TRPM7: variants seen among roughly 807,000 people sequenced by gnomAD.
The protein encoded by TRPM7 is transient receptor potential cation channel subfamily M member 7.
In TRPM7, 134 loss-of-function variants were observed where a neutral mutation model predicts 229.7. The ratio of observed to expected loss-of-function variants is 0.58; its 90% CI spans 0.51 to 0.67. TRPM7 has a LOEUF of 0.67. Among genes scored for constraint, TRPM7 ranks in the 30% least tolerant of loss-of-function variants. The pLI is 0.00. For missense variants in TRPM7, 1,901 were observed against 2,210.0 expected (o/e 0.86, Z 2.80); for synonymous variants, 699 against 715.2 (o/e 0.98, Z 0.36).
intron 13 of TRPM7, among the ~76,000 whole-genome samples, chr15:50,617,272 G>A (rs1290114130): frequency 6.6e-6 from 1 of 151,626 alleles, no homozygotes; most frequent in East Asian, 1.9e-4. Flanking sequence ...GAGGCAGTGG[G>A]TGCAGTTAGC....
At chr15:50,615,854 C>T (rs779238420) in intron 13 of TRPM7, among the ~76,000 whole-genome samples, 2 of 152,094 alleles carry the variant, frequency 1.3e-5, no homozygotes, top group Admixed American at 6.5e-5. Context: ...CAAGTTCACA[C>T]CATTGCACTC....
intron 17 of TRPM7, among the ~76,000 whole-genome samples, chr15:50,610,309 A>C (rs1192163254): frequency 6.6e-6 from 1 of 152,102 alleles, no homozygotes; most frequent in Non-Finnish European, 1.5e-5. Context: ...AAGCCTTATA[A>C]AGGTGCTATG....
chr15:50,673,312 T>C (rs1265404718), intron 1 of TRPM7, among the ~76,000 whole-genome samples: 3 of 152,162 alleles, frequency 2.0e-5, no homozygotes, highest in Non-Finnish European at 4.4e-5. Context: ...CAGGTAGTGT[T>C]TAGTTACATA....
At chr15:50,645,106 T>C (rs1416540853) in intron 4 of TRPM7, among the ~76,000 whole-genome samples, 3 of 152,128 alleles carry the variant, frequency 2.0e-5, no homozygotes, top group African/African-American at 7.2e-5. Flanking sequence ...GGTTTCACCA[T>C]GTTGCCCAGG....
rs188500375 is a variant in TRPM7 at position 50,666,008 on chromosome 15, A to T, written c.4-2962T>A. On this transcript the variant is annotated intron_variant, in intron 1 of 38. Transcript: ENST00000646667. ...ACTCTCTCTCAAAAAATAATAATTT[A>T]AAAAAAAGGCTGAAAATTAATGAGC... Among the ~76,000 whole-genome samples the T allele has an allele frequency of 3.0e-3, 459 of 152,040 alleles. 3 individuals carry two copies. Among genetic ancestry groups the T allele is most frequent in the African/African-American group, 7.9e-3 (329 of 41,496 alleles).
intron 21 of TRPM7, among the ~76,000 whole-genome samples, chr15:50,600,006 T>A (rs911317847): frequency 2.0e-5 from 3 of 152,230 alleles, no homozygotes; most frequent in African/African-American, 7.2e-5. Context: ...AATTACAATG[T>A]ACATTTTGAC....
chr15:50,579,343 C>T (rs1225047117), intron 30 of TRPM7, among the ~76,000 whole-genome samples: 1 of 152,206 alleles, frequency 6.6e-6, no homozygotes, highest in African/African-American at 2.4e-5. Context: ...CAGAAAGGAC[C>T]TTGGGAGTAG....
intron 12 of TRPM7, among the ~76,000 whole-genome samples, chr15:50,623,482 GCCCCGCCCCCT>G (rs979702975): frequency 4.7e-5 from 5 of 107,280 alleles, no homozygotes; most frequent in African/African-American, 1.5e-4. Flanking sequence ...TCTTATTGCT[GCCCCGCCCCCT>G]CCCCGCCCCG....
chr15:50,619,754 G>A lies in TRPM7; in HGVS notation c.1485C>T (p.Asp495=), dbSNP rs56337706. The change falls in exon 13 of 39, where the codon GAC becomes GAT. Residue 495 remains aspartate, a synonymous_variant. Coordinates refer to ENST00000646667, the MANE Select transcript of TRPM7 (RefSeq NM_017672.6). ...AAAAATAATCTCTTACCTGTTTGAC[G>A]TCTCGAACAAGATGAAACAGCATTG... The part of the protein sequence containing the change: ...TNPMLFHLVR[D]VKQGNLPPGY... The A allele has an allele frequency of 6.0e-3, 9,632 of 1,593,594 alleles. 142 individuals are homozygous for A. Among genetic ancestry groups the A allele is most frequent in the Non-Finnish European group, 4.3e-3 (5,069 of 1,173,418 alleles).
chr15:50,623,182 G>A (rs1295546227), intron 12 of TRPM7, among the ~76,000 whole-genome samples: 1 of 152,092 alleles, frequency 6.6e-6, no homozygotes, highest in African/African-American at 2.4e-5. Context: ...GGGAGGCTGA[G>A]GCGGGCAGAT....
chr15:50,668,415 A>G (rs1162827611), intron 1 of TRPM7, among the ~76,000 whole-genome samples: 1 of 152,154 alleles, frequency 6.6e-6, no homozygotes, highest in Non-Finnish European at 1.5e-5. Context: ...ACTCCTGTGG[A>G]CAAAATTTGG....
At chr15:50,642,198 T>C (rs898241953) in intron 5 of TRPM7, among the ~76,000 whole-genome samples, 1 of 152,178 alleles carries the variant, frequency 6.6e-6, no homozygotes, top group Non-Finnish European at 1.5e-5. Context: ...AGGCAATGGA[T>C]TGCCATTCTT....
At chr15:50,575,648 C>A in intron 33 of TRPM7, 76 bp downstream of exon 33, 1 of 1,261,482 alleles carries the variant, frequency 7.9e-7, no homozygotes, top group Non-Finnish European at 1.1e-6. Context: ...GTAATCCCAC[C>A]CACATTCTAT....
chr15:50,627,420 G>C (rs1230682542), intron 11 of TRPM7, among the ~76,000 whole-genome samples: 1 of 152,126 alleles, frequency 6.6e-6, no homozygotes. Context: ...AGGGAAAAAT[G>C]TTAAGATAGA....
intron 10 of TRPM7, among the ~76,000 whole-genome samples, chr15:50,628,860 T>C (rs2060643655): frequency 6.6e-6 from 1 of 152,240 alleles, no homozygotes; most frequent in Admixed American, 6.5e-5. Flanking sequence ...GCCAGGCACC[T>C]TTCTGTGCAC....
chr15:50,632,734 T>C, intron 9 of TRPM7, 135 bp downstream of exon 9: 1 of 853,394 alleles, frequency 1.2e-6, no homozygotes, highest in South Asian at 2.3e-5. Context: ...ATAAATGACA[T>C]ATTTTTATGG....
intron 23 of TRPM7, 57 bp from the exon 24 acceptor site, chr15:50,594,670 T>A: frequency 2.6e-6 from 3 of 1,153,882 alleles, no homozygotes; most frequent in Non-Finnish European, 3.6e-6. Context: ...CTTAAAGTTT[T>A]AAATACTGAT....
intron 7 of TRPM7, among the ~76,000 whole-genome samples, chr15:50,637,147 A>G (rs1198613579): frequency 6.6e-6 from 1 of 151,928 alleles, no homozygotes; most frequent in East Asian, 1.9e-4. Flanking sequence ...AAAAAAAAGA[A>G]TATTTATGAA....
At chr15:50,686,474 C>CT in intron 1 of TRPM7, 57 bp downstream of exon 1, 1 of 1,614,148 alleles carries the variant, frequency 6.2e-7, no homozygotes, top group Admixed American at 1.7e-5. Flanking sequence ...CAAGTCTCTC[C>CT]TTTACCGCCC....
Sources: allele counts gnomAD v4.1 joint callset (sites outside exome capture counted in the v4.1 genomes callset), GRCh38; gene constraint gnomAD v4.1.1; transcripts MANE v1.5; gene names NCBI Gene and HGNC (gene_info 2026-07-23, HGNC 2026-07-21).